Variants in NLGN1 observed in about 807,000 individuals in gnomAD.
NLGN1 encodes neuroligin 1, also known as neuroligin-1.
Under a neutral mutation model 65.5 loss-of-function variants are expected in NLGN1, and 12 were observed. That is an observed-to-expected ratio of 0.18 (90% CI 0.12 to 0.30). The LOEUF (loss-of-function observed/expected upper bound fraction) is 0.30. NLGN1 is among the 10% of genes least tolerant of loss of function. NLGN1 has a pLI of 1.00. For synonymous variants in NLGN1, 350 were observed against 359.5 expected, an observed-to-expected ratio of 0.97 and a Z score of 0.30; for missense variants, 750 against 1,007.1, an observed-to-expected ratio of 0.74 and a Z score of 3.46.
chr3:173,998,808 C>T (rs1722746159), intron 4 of NLGN1, among the ~76,000 whole-genome samples: 1 of 152,140 alleles, frequency 6.6e-6, no homozygotes. Context: ...AGCTATCAAC[C>T]CCTGAAATAT....
intron 1 of NLGN1, among the ~76,000 whole-genome samples, chr3:173,412,926 C>A (rs1025304535): frequency 1.3e-5 from 2 of 152,160 alleles, no homozygotes; most frequent in African/African-American, 4.8e-5. Flanking sequence ...TCTTAGGTCG[C>A]TTTCCACGTA....
At chr3:174,070,400 C>T (rs1739566295) in intron 4 of NLGN1, among the ~76,000 whole-genome samples, 1 of 151,396 alleles carries the variant, frequency 6.6e-6, no homozygotes, top group Non-Finnish European at 1.5e-5. Flanking sequence ...AGTGCAATCT[C>T]AGCTCACTGC....
intron 3 of NLGN1, among the ~76,000 whole-genome samples, chr3:173,658,611 A>G (rs1260305527): frequency 1.3e-5 from 2 of 152,010 alleles, no homozygotes; most frequent in Admixed American, 1.3e-4. Flanking sequence ...ACCGGGAAAA[A>G]TGATTCAGTG....
At chr3:173,539,269 G>A (rs1738003448) in intron 2 of NLGN1, among the ~76,000 whole-genome samples, 1 of 151,594 alleles carries the variant, frequency 6.6e-6, no homozygotes, top group African/African-American at 2.4e-5. Context: ...GGTGCTGGTG[G>A]GGAGAAAGAA....
intron 3 of NLGN1, among the ~76,000 whole-genome samples, chr3:173,694,848 A>G (rs890193085): frequency 6.6e-6 from 1 of 152,232 alleles, no homozygotes; most frequent in Non-Finnish European, 1.5e-5. Context: ...ACAGCAAACA[A>G]TATTAGCAGA....
At chr3:174,123,064 A>G (rs371995230) in intron 4 of NLGN1, among the ~76,000 whole-genome samples, 1 of 152,078 alleles carries the variant, frequency 6.6e-6, no homozygotes, top group African/African-American at 2.4e-5. Context: ...GCTATCAGTT[A>G]TGCATTTAGG....
intron 4 of NLGN1, among the ~76,000 whole-genome samples, chr3:174,030,122 C>CTTTTTTT (rs3979617): frequency 1.7e-5 from 2 of 118,358 alleles, no homozygotes; most frequent in Non-Finnish European, 3.4e-5. Context: ...TTTAAGTTAG[C>CTTTTTTT]TTTTTTTTTT....
chr3:173,559,344 T>C (rs1216985091), intron 2 of NLGN1, among the ~76,000 whole-genome samples: 2 of 152,200 alleles, frequency 1.3e-5, no homozygotes, highest in Non-Finnish European at 2.9e-5. Flanking sequence ...CATGGCCTAT[T>C]TATCCTTATC....
chr3:173,854,006 A>G (rs1283148578), intron 4 of NLGN1, among the ~76,000 whole-genome samples: 1 of 152,022 alleles, frequency 6.6e-6, no homozygotes, highest in South Asian at 2.1e-4. Flanking sequence ...TATACCTTTA[A>G]CATATAACAC....
intron 4 of NLGN1, among the ~76,000 whole-genome samples, chr3:174,076,357 C>T (rs1345220057): frequency 6.6e-6 from 1 of 151,940 alleles, no homozygotes; most frequent in Non-Finnish European, 1.5e-5. Context: ...ATTGGTTTAG[C>T]CGTTTGAAGA....
At chr3:173,510,114 G>T (rs60405221) in intron 2 of NLGN1, among the ~76,000 whole-genome samples, 1 of 152,132 alleles carries the variant, frequency 6.6e-6, no homozygotes, top group Admixed American at 6.6e-5. Context: ...ATGTAAGGTG[G>T]ATTTAAATAT....
chr3:174,145,362 A>C (rs1336214000), intron 4 of NLGN1, among the ~76,000 whole-genome samples: 1 of 151,984 alleles, frequency 6.6e-6, no homozygotes, highest in Non-Finnish European at 1.5e-5. Flanking sequence ...AAAATACAAA[A>C]ATTAGCTGGG....
rs534590126 is a variant in NLGN1 at position 173,923,169 on chromosome 3, A to G, written c.646+115337A>G. Among the ~76,000 whole-genome samples the G allele has an allele frequency of 2.5e-4, 38 of 152,202 alleles. 1 individual carries two copies. The highest frequency in any genetic ancestry group is 4.4e-4 in the Non-Finnish European group (30 of 67,988). On this transcript the variant is annotated intron_variant, in intron 4 of 6. Coordinates refer to ENST00000457714, the Ensembl canonical transcript of NLGN1. ...AAGTCTATGAGTCTTAAAAGTGAAGAGGAAATAGGAAGCTAAGAGGTGGAA... is the reference window on the plus strand; with the variant it reads ...AAGTCTATGAGTCTTAAAAGTGAAGGGGAAATAGGAAGCTAAGAGGTGGAA...
chr3:174,107,015 CACAGAGAGAGAGAGAG>C (rs1419794937), intron 4 of NLGN1, among the ~76,000 whole-genome samples: 1,331 of 65,462 alleles, frequency 0.02, 29 homozygotes, highest in African/African-American at 0.078. Context: ...CACACACACA[CACAGAGAGAGAGAGAG>C]AGAGAGAGAG....
chr3:174,164,665 T>C (rs1727174461), intron 4 of NLGN1, among the ~76,000 whole-genome samples: 1 of 152,066 alleles, frequency 6.6e-6, no homozygotes, highest in African/African-American at 2.4e-5. Flanking sequence ...GCATAGATGG[T>C]TGTAGGTGTG....
chr3:174,100,228 T>C (rs1319552039), intron 4 of NLGN1, among the ~76,000 whole-genome samples: 1 of 151,932 alleles, frequency 6.6e-6, no homozygotes, highest in Non-Finnish European at 1.5e-5. Flanking sequence ...AACTAAGGAA[T>C]CTTTCAACAT....
At chr3:174,124,598 T>C (rs1341080737) in intron 4 of NLGN1, among the ~76,000 whole-genome samples, 3 of 80,156 alleles carry the variant, frequency 3.7e-5, no homozygotes, top group South Asian at 3.1e-4. Context: ...TATATACGTA[T>C]ACATATATAC....
chr3:174,081,452 A>G (rs1742195928), intron 4 of NLGN1, among the ~76,000 whole-genome samples: 1 of 152,156 alleles, frequency 6.6e-6, no homozygotes, highest in African/African-American at 2.4e-5. Flanking sequence ...CTCATGGAGT[A>G]CTAGCATGGC....
At chr3:174,196,678 T>C (rs1343352477) in intron 4 of NLGN1, among the ~76,000 whole-genome samples, 1 of 152,212 alleles carries the variant, frequency 6.6e-6, no homozygotes, top group Non-Finnish European at 1.5e-5. Flanking sequence ...TTTCTAGATT[T>C]GTTTTCTATA....
Sources: allele counts gnomAD v4.1 joint callset (sites outside exome capture counted in the v4.1 genomes callset), GRCh38; gene constraint gnomAD v4.1.1; transcripts MANE v1.5; gene names NCBI Gene and HGNC (gene_info 2026-07-23, HGNC 2026-07-21).